The following CFAP52 variants were observed in gnomAD, a reference collection of about 807,000 sequenced individuals.
The protein encoded by CFAP52 is cilia- and flagella-associated protein 52.
A neutral mutation model predicts 70.5 loss-of-function variants in CFAP52; 57 were observed. The ratio of observed to expected loss-of-function variants is 0.81; its 90% CI spans 0.65 to 1.01. CFAP52 has a LOEUF of 1.01. CFAP52 is among the 50% of genes least tolerant of loss of function. CFAP52 has a pLI of 0.00. For synonymous variants in CFAP52, 267 were observed against 292.5 expected (o/e 0.91, Z 0.89); for missense variants, 785 against 788.5 (o/e 1.00, Z 0.05).
At chr17:9,588,198 C>T (rs1314125936) in intron 3 of CFAP52, among the ~76,000 whole-genome samples, 1 of 152,120 alleles carries the variant, frequency 6.6e-6, no homozygotes, top group Non-Finnish European at 1.5e-5. Context: ...AGCCATGTTG[C>T]CATAGCATGG....
intron 2 of CFAP52, among the ~76,000 whole-genome samples, chr17:9,586,230 T>C (rs1908468706): frequency 6.6e-6 from 1 of 152,130 alleles, no homozygotes; most frequent in Non-Finnish European, 1.5e-5. Flanking sequence ...TTCCATTGTG[T>C]TGCTGTCATG....
At chr17:9,633,971 G>A (rs1056273456) in intron 10 of CFAP52, among the ~76,000 whole-genome samples, 2 of 152,044 alleles carry the variant, frequency 1.3e-5, no homozygotes, top group East Asian at 1.9e-4. Flanking sequence ...GTGAGCCACC[G>A]CGCCTGGCCC....
intron 1 of CFAP52, among the ~76,000 whole-genome samples, chr17:9,580,537 A>G (rs1411638677): frequency 6.6e-6 from 1 of 152,084 alleles, no homozygotes; most frequent in East Asian, 1.9e-4. Flanking sequence ...AAAATACCAA[A>G]AAATAGCCAG....
chr17:9,614,804 A>G (rs1458058755), intron 8 of CFAP52, among the ~76,000 whole-genome samples: 1 of 152,178 alleles, frequency 6.6e-6, no homozygotes, highest in Non-Finnish European at 1.5e-5. Context: ...CCCTGCAATT[A>G]TGACGACCAA....
At position 9,584,817 on chromosome 17, in the gene CFAP52, T is replaced by C. The variant is rs992401036; in HGVS notation, c.71-956T>C. Among the ~76,000 whole-genome samples, 4 of 152,170 alleles carry C rather than the reference T, an allele frequency of 2.6e-5. No homozygotes were observed. In the South Asian group the frequency reaches 8.3e-4, roughly 32 times the overall value. On this transcript the variant is annotated intron_variant, in intron 1 of 13. Transcript: ENST00000352665. Reference sequence around the variant, plus strand: ...TTTGTATTTTTAGTAGAGACCGGGTTTCACCATGTTGGCCAGGCTGGTCTT... The same window carrying C: ...TTTGTATTTTTAGTAGAGACCGGGTCTCACCATGTTGGCCAGGCTGGTCTT...
At chr17:9,624,735 T>C (rs1428092184) in intron 8 of CFAP52, among the ~76,000 whole-genome samples, 2 of 152,174 alleles carry the variant, frequency 1.3e-5, no homozygotes, top group African/African-American at 4.8e-5. Flanking sequence ...TTTGCATGTT[T>C]GATAATTTTT....
chr17:9,600,103 A>G lies in CFAP52; in HGVS notation c.673A>G (p.Thr225Ala), dbSNP rs762897421. The G allele has an allele frequency of 2.5e-5, 40 of 1,613,816 alleles. No homozygotes were observed. Among genetic ancestry groups the G allele is most frequent in the Non-Finnish European group, 3.3e-5 (39 of 1,179,926 alleles). Residue 225 changes from threonine to alanine, a missense_variant, in exon 6 of 14, where the codon ACG becomes GCG. Physicochemically the swap from Thr to Ala is moderately conservative, Grantham distance 58. Coordinates refer to ENST00000352665, the MANE Select transcript of CFAP52 (RefSeq NM_145054.5). ...DDDSFFYLGTTTGDILKMNPR... is the reference protein window; with the variant it reads ...DDDSFFYLGTATGDILKMNPR... ...TGATAGCTTTTTCTACCTTGGCACC[A>G]CGACTGGAGATATTCTAAAAATGAA...
chr17:9,642,335 T>C (rs1464843363), intron 13 of CFAP52, among the ~76,000 whole-genome samples: 1 of 152,152 alleles, frequency 6.6e-6, no homozygotes, highest in Non-Finnish European at 1.5e-5. Flanking sequence ...TATTAACAAA[T>C]AAATGCGGCC....
chr17:9,578,049 G>A (rs1908043422), intron 1 of CFAP52, among the ~76,000 whole-genome samples: 1 of 152,172 alleles, frequency 6.6e-6, no homozygotes, highest in South Asian at 2.1e-4. Flanking sequence ...CCAAGGTCAC[G>A]CCACTGCACT....
intron 11 of CFAP52, among the ~76,000 whole-genome samples, chr17:9,636,644 C>G (rs560405723): frequency 1.3e-5 from 2 of 152,158 alleles, no homozygotes; most frequent in East Asian, 3.9e-4. Context: ...TCACTGCATA[C>G]GAGAGACGAG....
intron 11 of CFAP52, among the ~76,000 whole-genome samples, chr17:9,636,585 C>T (rs75918522): frequency 0.011 from 1,703 of 152,194 alleles, 36 homozygotes; most frequent in African/African-American, 0.039. Flanking sequence ...ACCCCTCTCC[C>T]CACCCACCTA....
In CFAP52 at chr17:9,635,441, C is replaced by G. The variant is rs758157956; in HGVS notation, c.1357C>G (p.Leu453Val). Residue 453 changes from leucine to valine, a missense_variant, in exon 11 of 14, where the codon CTG becomes GTG. By Grantham distance (32) the Leu-to-Val change is conservative (BLOSUM62 1). Transcript: ENST00000352665. ...VWQIGCQTQK[L>V]EEALKEHKSS... ...GCAGATAGGCTGTCAGACCCAGAAG[C>G]TGGAGGAGGCCCTGAAGGAACACAA... The G allele has an allele frequency of 5.6e-6, 9 of 1,614,160 alleles. No individual in the cohort carries two copies. The South Asian group carries it at 7.7e-5, about 14-fold the overall frequency.
At chr17:9,587,039 G>A (rs1243915154) in intron 3 of CFAP52, among the ~76,000 whole-genome samples, 1 of 151,780 alleles carries the variant, frequency 6.6e-6, no homozygotes, top group African/African-American at 2.4e-5. Flanking sequence ...ACCCTCAACA[G>A]GCCCCAGTGT....
At chr17:9,630,060 C>T (rs1488032235) in intron 9 of CFAP52, among the ~76,000 whole-genome samples, 1 of 151,852 alleles carries the variant, frequency 6.6e-6, no homozygotes, top group African/African-American at 2.4e-5. Flanking sequence ...CCCTTTTTCT[C>T]TTATGCCCAC....
chr17:9,629,162 C>G (rs1283939186), intron 9 of CFAP52, among the ~76,000 whole-genome samples: 1 of 152,086 alleles, frequency 6.6e-6, no homozygotes, highest in Non-Finnish European at 1.5e-5. Context: ...GAGATAAAAC[C>G]CTGACTCAAA....
At chr17:9,600,761 T>G (rs1751081719) in intron 6 of CFAP52, among the ~76,000 whole-genome samples, 1 of 152,000 alleles carries the variant, frequency 6.6e-6, no homozygotes, top group Admixed American at 6.6e-5. Flanking sequence ...AGAGACGGGG[T>G]TTCACTGAGC....
chr17:9,612,370 C>T lies in CFAP52; in HGVS notation c.916C>T (p.Leu306Phe), dbSNP rs750491859. The change falls in exon 8 of 14, where the codon CTC becomes TTC. Residue 306 changes from leucine (L) to phenylalanine (F), a missense_variant. Transcript: ENST00000352665. Reference protein sequence around the residue: ...ITLRGEGHQFLVGTEESHIYR... With the variant: ...ITLRGEGHQFFVGTEESHIYR... ...ACTTCGAGGAGAAGGACACCAGTTT[C>T]TCGTAGGAACAGAAGAATCGCACAT... 1.1e-5 allele frequency: 17 copies of T among 1,614,082 alleles called. No individual in the cohort carries two copies. The African/African-American group carries it at 2.0e-4, about 19-fold the overall frequency.
At chr17:9,595,162 G>A (rs147033633) in intron 4 of CFAP52, among the ~76,000 whole-genome samples, 1 of 152,090 alleles carries the variant, frequency 6.6e-6, no homozygotes, top group African/African-American at 2.4e-5. Flanking sequence ...GGTTAAATAT[G>A]AATTTTAGAA....
At chr17:9,641,257 G>A (rs1347312143) in intron 12 of CFAP52, among the ~76,000 whole-genome samples, 14 of 152,152 alleles carry the variant, frequency 9.2e-5, no homozygotes, top group Non-Finnish European at 1.9e-4. Context: ...TGGGAATAAG[G>A]GTGGTGTGAG....
Sources: allele counts gnomAD v4.1 joint callset (sites outside exome capture counted in the v4.1 genomes callset), GRCh38; gene constraint gnomAD v4.1.1; transcripts MANE v1.5; gene names NCBI Gene and HGNC (gene_info 2026-07-23, HGNC 2026-07-21).